Variants in PPP1R9A observed in about 807,000 individuals in gnomAD.
PPP1R9A encodes neurabin-1.
PPP1R9A carries 59 observed loss-of-function variants against 141.9 expected under a neutral mutation model. The observed-to-expected ratio is 0.42, with a 90% CI of 0.34 to 0.52. The LOEUF (loss-of-function observed/expected upper bound fraction) is 0.52. Among genes scored for constraint, PPP1R9A ranks in the 20% least tolerant of loss-of-function variants. The pLI, the probability that PPP1R9A is intolerant of heterozygous loss-of-function variation, is 0.10. For missense variants in PPP1R9A, 1,444 were observed against 1,611.9 expected (o/e 0.90, Z 1.78); for synonymous variants, 500 against 569.7 (o/e 0.88, Z 1.74).
At chr7:95,174,213 A>C (rs534340152) in intron 5 of PPP1R9A, among the ~76,000 whole-genome samples, 331 of 152,238 alleles carry the variant, frequency 2.2e-3, no homozygotes, top group Middle Eastern at 3.4e-3. Context: ...AATCCTTTCA[A>C]TACCATGTAT....
chr7:95,293,539 C>T lies in PPP1R9A; in HGVS notation c.*3236C>T, dbSNP rs1020952967. Reference sequence around the variant, plus strand: ...TACTAAAGCCAAACTCAGCTTTCAACTGGCACAAAATGGGACTGTCACCTT... The same window carrying T: ...TACTAAAGCCAAACTCAGCTTTCAATTGGCACAAAATGGGACTGTCACCTT... On this transcript the variant is annotated 3_prime_UTR_variant, in exon 20 of 20. Coordinates refer to ENST00000433360, the MANE Select transcript of PPP1R9A (RefSeq NM_001166160.2). The T allele has an allele frequency of 7.9e-5, 12 of 152,188 alleles. 1 individual carries two copies. Among genetic ancestry groups the T allele is most frequent in the Admixed American group, 7.2e-4 (11 of 15,274 alleles). The allele number at this position is 152,188 out of a possible 1,614,324, so 9.4% of individuals were successfully genotyped here.
intron 7 of PPP1R9A, among the ~76,000 whole-genome samples, chr7:95,204,747 C>T (rs1377234833): frequency 7.5e-6 from 1 of 132,610 alleles, no homozygotes; most frequent in African/African-American, 2.8e-5. Context: ...CCACACACAC[C>T]CACCACACAT....
Position 94,911,256 on chromosome 7 carries a change from A to C in PPP1R9A, c.1143A>C (p.Lys381Asn). 2 of 1,614,184 alleles carry C rather than the reference A, an allele frequency of 1.2e-6. No homozygotes were observed. Among genetic ancestry groups the C allele is most frequent in the Non-Finnish European group, 1.7e-6 (2 of 1,180,018 alleles). Residue 381 changes from lysine to asparagine, a missense_variant, in exon 2 of 20, where the codon AAA becomes AAC. Lys to Asn is a moderately conservative substitution (Grantham distance 94, BLOSUM62 0). This residue lies in a region of PPP1R9A where 490 missense variants were observed against 521.1 expected (regional missense o/e 0.94). Coordinates refer to ENST00000433360, the MANE Select transcript of PPP1R9A (RefSeq NM_001166160.2). ...ATGCTTCTGCATCCAGTTGTGGAAA[A>C]GAAGTACCTGAAGATTCAAATAATT... Reference protein sequence around the residue: ...SPDASASSCGKEVPEDSNNFD... With the variant: ...SPDASASSCGNEVPEDSNNFD...
chr7:95,024,111 C>A (rs1222292278), intron 2 of PPP1R9A, among the ~76,000 whole-genome samples: 1 of 152,122 alleles, frequency 6.6e-6, no homozygotes, highest in African/African-American at 2.4e-5. Flanking sequence ...GTTTCTTAAT[C>A]CTGAGTTCTA....
intron 2 of PPP1R9A, among the ~76,000 whole-genome samples, chr7:95,019,193 G>A (rs1256524769): frequency 1.3e-5 from 2 of 152,098 alleles, no homozygotes; most frequent in South Asian, 2.1e-4. Context: ...TTAGGAGTTC[G>A]AGACCAGCCT....
chr7:95,291,552 G>A lies in PPP1R9A; in HGVS notation c.*1249G>A, dbSNP rs1383048384. On this transcript the variant is annotated 3_prime_UTR_variant, in exon 20 of 20. Transcript: ENST00000433360. ...TTAAGCCAGCATTAAGGATTTCCAT[G>A]TTTCACCAAACTAAGTCAAGTGCAG... 6.6e-6 allele frequency: 1 copy of A among 152,204 alleles called. No individual in the cohort carries two copies. The highest frequency in any genetic ancestry group is 1.5e-5 in the Non-Finnish European group (1 of 68,036). The allele number at this position is 152,204 out of a possible 1,614,324, so 9.4% of individuals were successfully genotyped here.
intron 2 of PPP1R9A, among the ~76,000 whole-genome samples, chr7:95,087,820 G>T (rs1432451230): frequency 6.6e-6 from 1 of 151,524 alleles, no homozygotes; most frequent in Admixed American, 6.6e-5. Context: ...TCTTGATCCT[G>T]GGCGGCAGAG....
At chr7:95,053,071 G>A (rs1337328420) in intron 2 of PPP1R9A, among the ~76,000 whole-genome samples, 3 of 152,152 alleles carry the variant, frequency 2.0e-5, no homozygotes, top group African/African-American at 7.2e-5. Flanking sequence ...CCTTCATGGA[G>A]CCTGTTTCAT....
chr7:94,975,071 G>A (rs1311612782), intron 2 of PPP1R9A, among the ~76,000 whole-genome samples: 4 of 151,950 alleles, frequency 2.6e-5, no homozygotes, highest in African/African-American at 9.7e-5. Flanking sequence ...TTAAATTATT[G>A]AAAAAATGAA....
At chr7:95,274,279 C>G in intron 16 of PPP1R9A, 111 bp downstream of exon 16, 3 of 1,005,676 alleles carry the variant, frequency 3.0e-6, no homozygotes, top group Middle Eastern at 3.0e-4. Context: ...AAGTGATATG[C>G]CAAGAATTGA....
At chr7:95,136,226 T>C (rs576211096) in intron 4 of PPP1R9A, among the ~76,000 whole-genome samples, 1 of 152,302 alleles carries the variant, frequency 6.6e-6, no homozygotes, top group South Asian at 2.1e-4. Context: ...AATCAACTTA[T>C]AACACAAAGT....
chr7:95,133,992 T>C (rs1825166325), intron 4 of PPP1R9A, among the ~76,000 whole-genome samples: 1 of 152,148 alleles, frequency 6.6e-6, no homozygotes, highest in South Asian at 2.1e-4. Flanking sequence ...CCTAGGTGCA[T>C]TAAATTTTAA....
chr7:95,076,283 A>G (rs999401168), intron 2 of PPP1R9A, among the ~76,000 whole-genome samples: 12 of 152,178 alleles, frequency 7.9e-5, no homozygotes, highest in Admixed American at 2.0e-4. Context: ...CTAAAGTGGC[A>G]TATTTTGCAA....
chr7:94,928,293 G>A (rs1053370472), intron 2 of PPP1R9A, among the ~76,000 whole-genome samples: 1 of 152,120 alleles, frequency 6.6e-6, no homozygotes, highest in African/African-American at 2.4e-5. Flanking sequence ...GTTCAAGGAG[G>A]GACTTGTATA....
At chr7:95,155,185 C>CTTTTTTTTTTTTTTTTT (rs57799059) in intron 4 of PPP1R9A, 6 of 119,500 alleles carry the variant, frequency 5.0e-5, no homozygotes, top group Non-Finnish European at 1.0e-4. Flanking sequence ...TTCTTTTTTT[C>CTTTTTTTTTTTTTTTTT]TTTTTTTTTT....
intron 5 of PPP1R9A, among the ~76,000 whole-genome samples, chr7:95,166,149 A>C (rs1458248149): frequency 8.1e-5 from 2 of 24,722 alleles, no homozygotes; most frequent in African/African-American, 5.9e-4. Context: ...ACTCCATTTC[A>C]AAAAAAAAAA....
intron 2 of PPP1R9A, among the ~76,000 whole-genome samples, chr7:94,916,405 C>T (rs1480442658): frequency 6.6e-6 from 1 of 152,198 alleles, no homozygotes; most frequent in African/African-American, 2.4e-5. Flanking sequence ...GAAGTACAAT[C>T]TTCTGGCTTC....
intron 2 of PPP1R9A, among the ~76,000 whole-genome samples, chr7:95,103,978 A>G (rs1317462467): frequency 6.6e-6 from 1 of 152,202 alleles, no homozygotes; most frequent in Non-Finnish European, 1.5e-5. Context: ...AGGTATTTCA[A>G]TCATGAATCC....
chr7:95,002,125 A>AT (rs999029804), intron 2 of PPP1R9A, among the ~76,000 whole-genome samples: 1 of 152,142 alleles, frequency 6.6e-6, no homozygotes, highest in African/African-American at 2.4e-5. Flanking sequence ...GGGAGTGAAA[A>AT]TTACCTTTCG....
Sources: gnomAD v4.1 joint callset for allele counts (sites outside exome capture counted in the v4.1 genomes callset) on GRCh38, gnomAD v4.1.1 for gene constraint, gnomAD v4.1.1 regional missense constraint, MANE v1.5 for transcripts, NCBI Gene and HGNC (gene_info 2026-07-23, HGNC 2026-07-21) for gene names.